The following PAK5 variants were observed in gnomAD, a reference collection of about 807,000 sequenced individuals.
PAK5 encodes serine/threonine-protein kinase PAK 5.
PAK5 carries 16 observed loss-of-function variants against 65.9 expected under a neutral mutation model. That is an observed-to-expected ratio of 0.24 (90% CI 0.16 to 0.37). The LOEUF is 0.37. Ranked by LOEUF, PAK5 falls within the 10% of genes least tolerant of loss-of-function variation. The pLI is 1.00. For synonymous variants in PAK5, 371 were observed against 354.9 expected, an observed-to-expected ratio of 1.05 and a Z score of -0.51; for missense variants, 785 against 903.9, an observed-to-expected ratio of 0.87 and a Z score of 1.69.
At chr20:9,793,016 GT>G (rs2049066272) in intron 1 of PAK5, among the ~76,000 whole-genome samples, 3 of 152,210 alleles carry the variant, frequency 2.0e-5, no homozygotes, top group African/African-American at 7.2e-5. Flanking sequence ...GGTGGGAAAG[GT>G]TTTTTTCTAA....
At chr20:9,705,572 C>T (rs888994629) in intron 2 of PAK5, among the ~76,000 whole-genome samples, 3 of 151,980 alleles carry the variant, frequency 2.0e-5, no homozygotes, top group Non-Finnish European at 2.9e-5. Context: ...CCATTTTGAT[C>T]GAGACTGTCC....
At chr20:9,600,733 G>C (rs1272906429) in intron 3 of PAK5, among the ~76,000 whole-genome samples, 1 of 152,196 alleles carries the variant, frequency 6.6e-6, no homozygotes, top group African/African-American at 2.4e-5. Flanking sequence ...CTTCTCTGCT[G>C]TCCTCACATT....
intron 1 of PAK5, among the ~76,000 whole-genome samples, chr20:9,804,192 G>A (rs1328128071): frequency 6.6e-6 from 1 of 152,134 alleles, no homozygotes; most frequent in African/African-American, 2.4e-5. Flanking sequence ...GTTCCTTGAA[G>A]TCTGAGAGGT....
At chr20:9,577,411 GTGTACACACACA>G (rs2045904949) in intron 4 of PAK5, 5 of 151,770 alleles carry the variant, frequency 3.3e-5, no homozygotes, top group Admixed American at 1.3e-4. Context: ...ACACACACAT[GTGTACACACACA>G]TGACCCTCCT....
At chr20:9,670,756 G>A (rs1297598413) in intron 2 of PAK5, among the ~76,000 whole-genome samples, 1 of 152,136 alleles carries the variant, frequency 6.6e-6, no homozygotes, top group African/African-American at 2.4e-5. Context: ...TTCTTTCACT[G>A]TGCAGAAGCT....
At chr20:9,719,185 C>A (rs904803386) in intron 1 of PAK5, among the ~76,000 whole-genome samples, 1 of 152,168 alleles carries the variant, frequency 6.6e-6, no homozygotes, top group Non-Finnish European at 1.5e-5. Flanking sequence ...AACCCACTCA[C>A]AAATGGATTT....
At chr20:9,749,263 A>G (rs1007477837) in intron 1 of PAK5, among the ~76,000 whole-genome samples, 1 of 152,172 alleles carries the variant, frequency 6.6e-6, no homozygotes, top group South Asian at 2.1e-4. Context: ...ACTCACATAC[A>G]TAATTCACAC....
At chr20:9,659,135 G>T (rs886082247) in intron 2 of PAK5, among the ~76,000 whole-genome samples, 2 of 152,132 alleles carry the variant, frequency 1.3e-5, no homozygotes, top group African/African-American at 4.8e-5. Flanking sequence ...TGTATTGTGG[G>T]TGTGTGTGCA....
At chr20:9,795,709 TA>T (rs1271165266) in intron 1 of PAK5, among the ~76,000 whole-genome samples, 1 of 152,086 alleles carries the variant, frequency 6.6e-6, no homozygotes, top group Non-Finnish European at 1.5e-5. Context: ...TATAAAAATT[TA>T]AAAATCCAAT....
At chr20:9,681,499 T>G (rs1226764626) in intron 2 of PAK5, among the ~76,000 whole-genome samples, 1 of 152,164 alleles carries the variant, frequency 6.6e-6, no homozygotes, top group African/African-American at 2.4e-5. Context: ...AAGTATTTGT[T>G]ATCATTCCTT....
At chr20:9,636,000 G>A (rs2046979018) in intron 3 of PAK5, among the ~76,000 whole-genome samples, 2 of 152,098 alleles carry the variant, frequency 1.3e-5, no homozygotes, top group Admixed American at 6.5e-5. Context: ...AGTAAAGGAG[G>A]CACTAAAAGA....
chr20:9,661,081 G>A (rs2047339755), intron 2 of PAK5, among the ~76,000 whole-genome samples: 1 of 152,156 alleles, frequency 6.6e-6, no homozygotes, highest in Admixed American at 6.5e-5. Flanking sequence ...CTGAGCAGCT[G>A]TGATTGAGGG....
rs1262960383 is a variant in PAK5, at chr20:9,539,618, C to G, written c.2005-1G>C. On this transcript the variant is annotated splice_acceptor_variant, in intron 9 of 9. Transcript: ENST00000353224. LOFTEE classifies it high-confidence loss of function. ...GGAATCCCCGGAGCACTGAAGAAAC[C>G]TGTGAAAACACACAGATACCAATCT... 6.2e-7 allele frequency: 1 copy of G among 1,612,794 alleles called. No homozygotes were observed. Among genetic ancestry groups the G allele is most frequent in the Non-Finnish European group, 8.5e-7 (1 of 1,179,784 alleles).
intron 1 of PAK5, among the ~76,000 whole-genome samples, chr20:9,791,726 C>T (rs1416386111): frequency 2.0e-5 from 3 of 152,080 alleles, no homozygotes; most frequent in African/African-American, 7.2e-5. Context: ...ATAGCTAAGG[C>T]CAATGGGCTG....
At chr20:9,594,088 G>T (rs909175923) in intron 3 of PAK5, among the ~76,000 whole-genome samples, 15 of 152,154 alleles carry the variant, frequency 9.9e-5, no homozygotes, top group Non-Finnish European at 1.9e-4. Context: ...TCTGATCATC[G>T]TTCTAGGGTT....
intron 2 of PAK5, among the ~76,000 whole-genome samples, chr20:9,680,982 GGTTT>G (rs759221544): frequency 6.6e-6 from 1 of 152,038 alleles, no homozygotes; most frequent in East Asian, 1.9e-4. Context: ...TATTCCTTTT[GGTTT>G]GTTTAACAGT....
intron 1 of PAK5, among the ~76,000 whole-genome samples, chr20:9,830,406 T>A (rs1978615262): frequency 6.6e-6 from 1 of 152,206 alleles, no homozygotes; most frequent in African/African-American, 2.4e-5. Flanking sequence ...CTAAGTATGA[T>A]CTTTTAATAT....
At chr20:9,545,160 G>T (rs1482389111) in intron 7 of PAK5, among the ~76,000 whole-genome samples, 1 of 152,106 alleles carries the variant, frequency 6.6e-6, no homozygotes, top group Non-Finnish European at 1.5e-5. Flanking sequence ...GTTGTCAGGG[G>T]TTTAAGGTGG....
chr20:9,615,196 G>A (rs1269674499), intron 3 of PAK5, among the ~76,000 whole-genome samples: 2 of 152,202 alleles, frequency 1.3e-5, no homozygotes, highest in Non-Finnish European at 2.9e-5. Flanking sequence ...TGAACAGGTA[G>A]AGCACAGAGG....
Sources: gnomAD v4.1 joint callset for allele counts (sites outside exome capture counted in the v4.1 genomes callset) on GRCh38, gnomAD v4.1.1 for gene constraint, MANE v1.5 for transcripts, NCBI Gene and HGNC (gene_info 2026-07-23, HGNC 2026-07-21) for gene names.